Variants in PDE8B observed in about 807,000 individuals in gnomAD.
PDE8B encodes the protein phosphodiesterase 8B.
In PDE8B, 26 loss-of-function variants were observed where a neutral mutation model predicts 101.3. The ratio of observed to expected loss-of-function variants is 0.26; its 90% CI spans 0.19 to 0.36. The LOEUF is 0.36. Ranked by LOEUF, PDE8B falls within the 10% of genes least tolerant of loss-of-function variation. PDE8B has a pLI of 1.00. For synonymous variants in PDE8B, 424 were observed against 429.3 expected (o/e 0.99, Z 0.15); for missense variants, 810 against 1,163.1 (o/e 0.70, Z 4.42).
At chr5:77,313,320 C>A (rs1406911593) in intron 2 of PDE8B, among the ~76,000 whole-genome samples, 1 of 151,298 alleles carries the variant, frequency 6.6e-6, no homozygotes, top group Non-Finnish European at 1.5e-5. Context: ...AAGAGATTAG[C>A]TTGGGAAAAT....
chr5:77,291,089 C>A, intron 1 of PDE8B: 2 of 1,610,614 alleles, frequency 1.2e-6, no homozygotes, highest in Non-Finnish European at 1.7e-6. Context: ...GAAACAGTAC[C>A]ATTATTGCCT....
chr5:77,095,436 A>C, the PDE8B span, among the ~76,000 whole-genome samples: 1 of 152,216 alleles, frequency 6.6e-6, no homozygotes, highest in Non-Finnish European at 1.5e-5. Flanking sequence ...CTTCAAAGAA[A>C]TGATCCCATT....
At chr5:77,143,307 C>CA in the PDE8B span, among the ~76,000 whole-genome samples, 5 of 152,254 alleles carry the variant, frequency 3.3e-5, no homozygotes, top group East Asian at 9.6e-4. Flanking sequence ...GCTCAGAGTC[C>CA]AAATACAAGA....
intron 17 of PDE8B, among the ~76,000 whole-genome samples, chr5:77,416,321 A>G (rs1355898896): frequency 6.6e-6 from 1 of 152,204 alleles, no homozygotes; most frequent in East Asian, 1.9e-4. Context: ...TCCAAGCAGG[A>G]TTGAACATAC....
chr5:77,215,019 G>A (rs571047521), intron 1 of PDE8B, among the ~76,000 whole-genome samples: 20 of 152,132 alleles, frequency 1.3e-4, no homozygotes, highest in Non-Finnish European at 2.9e-4. Flanking sequence ...TGGGGTACTG[G>A]TCATAGCACT....
At chr5:77,105,544 A>T in the PDE8B span, 5 of 152,186 alleles carry the variant, frequency 3.3e-5, no homozygotes, top group African/African-American at 9.7e-5. Flanking sequence ...CGATGGCTTT[A>T]TTGGGACATA....
chr5:77,305,413 G>A (rs1770970590), intron 1 of PDE8B, among the ~76,000 whole-genome samples: 2 of 152,206 alleles, frequency 1.3e-5, no homozygotes, highest in South Asian at 4.1e-4. Context: ...CCACAGCCAG[G>A]TAAGGCTGGA....
chr5:77,402,427 T>G (rs1792474821), intron 11 of PDE8B, among the ~76,000 whole-genome samples: 1 of 152,212 alleles, frequency 6.6e-6, no homozygotes, highest in African/African-American at 2.4e-5. Flanking sequence ...TAGTTCCGCT[T>G]TCACTTCATG....
the PDE8B span, among the ~76,000 whole-genome samples, chr5:77,199,432 C>A: frequency 6.6e-6 from 1 of 152,166 alleles, no homozygotes; most frequent in African/African-American, 2.4e-5. Flanking sequence ...TAACATGTAT[C>A]ACCTAACATG....
chr5:77,392,505 T>C (rs185760928), intron 10 of PDE8B, among the ~76,000 whole-genome samples: 1 of 152,234 alleles, frequency 6.6e-6, no homozygotes, highest in African/African-American at 2.4e-5. Flanking sequence ...TGAAGTATGA[T>C]AACATCAAGG....
intron 13 of PDE8B, among the ~76,000 whole-genome samples, chr5:77,408,027 T>C (rs1793829477): frequency 6.6e-6 from 1 of 152,150 alleles, no homozygotes; most frequent in Non-Finnish European, 1.5e-5. Flanking sequence ...TGACCAGATA[T>C]GTTTGTTGAA....
At position 77,421,974 on chromosome 5, in the gene PDE8B, G is replaced by A. The variant is rs2151191912; in HGVS notation, c.2404G>A (p.Glu802Lys). ...TGAATGGGCTGGGAGGATCTCTGAG[G>A]AGTATTTTGCACAGGTGCGCCATCT... The part of the protein sequence containing the change: ...CIEWAGRISE[E>K]YFAQTDEEKR... The change falls in exon 20 of 22, where the codon GAG becomes AAG. Residue 802 changes from glutamate (E) to lysine (K), a missense_variant. Physicochemically the swap from Glu to Lys is moderately conservative, Grantham distance 56. Around this residue, in one of 4 missense-constraint regions of PDE8B, gnomAD observed 325 missense variants for 560.9 expected, o/e 0.58. Transcript: ENST00000264917. The A allele has an allele frequency of 6.2e-7, 1 of 1,614,148 alleles. No individual in the cohort carries two copies. Among genetic ancestry groups the A allele is most frequent in the Middle Eastern group, 1.7e-4 (1 of 6,056 alleles).
chr5:77,307,404 A>G (rs1329239359), intron 1 of PDE8B, among the ~76,000 whole-genome samples: 1 of 152,178 alleles, frequency 6.6e-6, no homozygotes, highest in Non-Finnish European at 1.5e-5. Context: ...CCAGAATTCT[A>G]TATTCAGCCA....
At chr5:77,258,201 A>ATTGC (rs1759593644) in intron 1 of PDE8B, among the ~76,000 whole-genome samples, 1 of 149,198 alleles carries the variant, frequency 6.7e-6, no homozygotes, top group South Asian at 2.2e-4. Context: ...AGGCAGGAGA[A>ATTGC]TTGCTTGAAC....
chr5:77,169,064 C>T, the PDE8B span, among the ~76,000 whole-genome samples: 1 of 152,154 alleles, frequency 6.6e-6, no homozygotes, highest in Admixed American at 6.5e-5. Context: ...ACAGCCACAC[C>T]CTGAGAGTTG....
the PDE8B span, among the ~76,000 whole-genome samples, chr5:77,103,182 G>A: frequency 6.6e-6 from 1 of 152,182 alleles, no homozygotes; most frequent in Non-Finnish European, 1.5e-5. Context: ...TTCCAAGTTA[G>A]CATCTAAAAT....
chr5:77,205,725 C>T (rs531598322), upstream of PDE8B, among the ~76,000 whole-genome samples: 1 of 152,288 alleles, frequency 6.6e-6, no homozygotes, highest in South Asian at 2.1e-4. Context: ...TTCTTGTCTA[C>T]ACCACTTTAT....
chr5:77,226,623 G>C (rs181569719), intron 1 of PDE8B, among the ~76,000 whole-genome samples: 1 of 152,308 alleles, frequency 6.6e-6, no homozygotes, highest in Non-Finnish European at 1.5e-5. Flanking sequence ...TTTCCAGAAA[G>C]AATATATTTA....
Position 77,412,221 on chromosome 5 carries a change from C to A in PDE8B, c.1698C>A (p.Ala566=), listed in dbSNP as rs140381860. The A allele has an allele frequency of 3.4e-3, 5,418 of 1,614,004 alleles. 16 individuals carry two copies. Among genetic ancestry groups the A allele is most frequent in the Non-Finnish European group, 4.1e-3 (4,879 of 1,179,900 alleles). ...SWDFNIFELE[A]ITHKRPLVYL... The stretch of plus-strand genomic sequence containing the variant: ...ACTTCAACATCTTTGAATTGGAAGC[C>A]ATTACGCATAAAAGGTATGTGACTT... The change falls in exon 16 of 22, where the codon GCC becomes GCA. Residue 566 remains alanine (A), a synonymous_variant. Transcript: ENST00000264917.
Sources: gnomAD v4.1 joint callset for allele counts (sites outside exome capture counted in the v4.1 genomes callset) on GRCh38, gnomAD v4.1.1 for gene constraint, gnomAD v4.1.1 regional missense constraint, MANE v1.5 for transcripts, NCBI Gene and HGNC (gene_info 2026-07-23, HGNC 2026-07-21) for gene names.